The following PAPSS1 variants were observed in gnomAD, a reference collection of about 807,000 sequenced individuals.
PAPSS1 encodes the protein bifunctional 3'-phosphoadenosine 5'-phosphosulfate synthase 1.
Under a neutral mutation model 72.0 loss-of-function variants are expected in PAPSS1, and 50 were observed. The ratio of observed to expected loss-of-function variants is 0.69; its 90% CI spans 0.55 to 0.88. The LOEUF is 0.88. Ranked by LOEUF, PAPSS1 falls within the 40% of genes least tolerant of loss-of-function variation. The probability of loss-of-function intolerance (pLI) is 0.00; values close to 1 mark genes in which losing one functional copy is unlikely to be tolerated. For synonymous variants in PAPSS1, 261 were observed against 263.6 expected (o/e 0.99, Z 0.09); for missense variants, 657 against 782.2 (o/e 0.84, Z 1.91).
intron 5 of PAPSS1, among the ~76,000 whole-genome samples, chr4:107,672,934 G>C (rs1005037077): frequency 6.6e-6 from 1 of 152,204 alleles, no homozygotes; most frequent in Non-Finnish European, 1.5e-5. Flanking sequence ...CTCCGCTGCT[G>C]ATACCCAGGC....
At chr4:107,677,787 A>T (rs1416641787) in intron 5 of PAPSS1, among the ~76,000 whole-genome samples, 1 of 152,226 alleles carries the variant, frequency 6.6e-6, no homozygotes, top group African/African-American at 2.4e-5. Flanking sequence ...GAACCAACCC[A>T]AATGTCCAAC....
chr4:107,701,992 A>T (rs1723216210), intron 1 of PAPSS1, among the ~76,000 whole-genome samples: 1 of 143,374 alleles, frequency 7.0e-6, no homozygotes, highest in African/African-American at 2.5e-5. Flanking sequence ...AAAAAAAAAA[A>T]GCATAAAATT....
intron 11 of PAPSS1, among the ~76,000 whole-genome samples, chr4:107,617,003 C>T (rs528746255): frequency 3.9e-5 from 6 of 152,066 alleles, no homozygotes; most frequent in Non-Finnish European, 7.4e-5. Flanking sequence ...AGCTTTCCAC[C>T]ATCTTCCTTA....
rs1357895717 is a variant in PAPSS1, at chr4:107,645,046, C to T, written c.1262G>A (p.Arg421His). The change falls in exon 10 of 12, where the codon CGC becomes CAC. Residue 421 changes from arginine to histidine, a missense_variant. Transcript: ENST00000265174. Reference protein sequence around the residue: ...NADAVFAFQLRNPVHNGHALL... With the variant: ...NADAVFAFQLHNPVHNGHALL... ...GGCATGTCCATTGTGCACTGGGTTG[C>T]GTAGTTGAAATGCAAAGACAGCATC... is the stretch of plus-strand genomic sequence containing the variant. 17 of 1,547,210 alleles carry T rather than the reference C, an allele frequency of 1.1e-5. No homozygotes were observed. Among genetic ancestry groups the T allele is most frequent in the East Asian group, 7.0e-5 (3 of 42,954 alleles).
Position 107,692,778 on chromosome 4 carries a change from G to GTGTATATA in PAPSS1, c.411+992_411+993insTATATACA, listed in dbSNP as rs531707529. ...AGACTGGATAAAGAAAACACGGTGTGTATATATATATATATATATCATGGA... is the reference window on the plus strand; with the variant it reads ...AGACTGGATAAAGAAAACACGGTGTGTGTATATATATATATATATATATATATCATGGA... On this transcript the variant is annotated intron_variant, in intron 3 of 11. Transcript: ENST00000265174. Among the ~76,000 whole-genome samples, 57 of 147,078 alleles carry GTGTATATA rather than the reference G, an allele frequency of 3.9e-4. 1 individual carries two copies. The highest frequency in any genetic ancestry group is 1.3e-3 in the African/African-American group (54 of 40,154).
intron 1 of PAPSS1, among the ~76,000 whole-genome samples, chr4:107,716,100 C>A (rs1723633195): frequency 6.6e-6 from 1 of 152,206 alleles, no homozygotes; most frequent in Non-Finnish European, 1.5e-5. Flanking sequence ...TTTGCATCTG[C>A]CCCTTATCCC....
chr4:107,642,695 G>A (rs115965219), intron 10 of PAPSS1, among the ~76,000 whole-genome samples: 1 of 152,120 alleles, frequency 6.6e-6, no homozygotes, highest in South Asian at 2.1e-4. Flanking sequence ...CAGTGAAACT[G>A]GTTCAATGAG....
In PAPSS1 at chr4:107,687,065, T is replaced by C. The variant is rs148865247; in HGVS notation, c.524A>G (p.Lys175Arg). 2.3e-5 allele frequency: 36 copies of C among 1,596,956 alleles called. No homozygotes were observed. The East Asian group carries it at 5.2e-4, about 23-fold the overall frequency. Reference sequence around the variant, plus strand: ...TTTAATTTCTCCTGCCCGGGCTTTTTTGTAGAGTCCTTTGACATCCCTCTG... The same window carrying C: ...TTTAATTTCTCCTGCCCGGGCTTTTCTGTAGAGTCCTTTGACATCCCTCTG... Reference protein sequence around the residue: ...CEQRDVKGLYKKARAGEIKGF... With the variant: ...CEQRDVKGLYRKARAGEIKGF... Residue 175 changes from lysine to arginine, a missense_variant, in exon 4 of 12, where the codon AAA (lysine) becomes AGA (arginine). Transcript: ENST00000265174.
Position 107,695,208 on chromosome 4 carries a change from G to A in PAPSS1, c.176-1202C>T, listed in dbSNP as rs149092870. Among the ~76,000 whole-genome samples the A allele has an allele frequency of 5.4e-3, 823 of 152,116 alleles. 11 individuals carry two copies. Among genetic ancestry groups the A allele is most frequent in the African/African-American group, 0.018 (761 of 41,472 alleles). On this transcript the variant is annotated intron_variant, in intron 2 of 11. Coordinates refer to ENST00000265174, the MANE Select transcript of PAPSS1 (RefSeq NM_005443.5). Reference sequence around the variant, plus strand: ...AGTTCTCCTTGAAGAGGTCCTTCACGTCCCTTGCAAGTTGTATTCCCAGGT... The same window carrying A: ...AGTTCTCCTTGAAGAGGTCCTTCACATCCCTTGCAAGTTGTATTCCCAGGT...
At chr4:107,694,129 G>C (rs1199641522) in intron 2 of PAPSS1, 123 bp from the exon 3 acceptor site, 2 of 667,306 alleles carry the variant, frequency 3.0e-6, no homozygotes, top group Non-Finnish European at 5.1e-6. Flanking sequence ...TGCAGAGGCT[G>C]CATAGCTCAC....
At chr4:107,618,605 A>G (rs1473133360) in intron 11 of PAPSS1, among the ~76,000 whole-genome samples, 3 of 152,028 alleles carry the variant, frequency 2.0e-5, no homozygotes, top group Admixed American at 1.3e-4. Flanking sequence ...GAGTGGAGAG[A>G]GACAGAAATG....
intron 1 of PAPSS1, 107 bp downstream of exon 1, chr4:107,720,013 C>T (rs2074372): frequency 6.5e-7 from 1 of 1,540,284 alleles, no homozygotes; most frequent in Non-Finnish European, 8.7e-7. Flanking sequence ...CCTCCGCGCT[C>T]CTGGAAGGAT....
intron 5 of PAPSS1, among the ~76,000 whole-genome samples, chr4:107,670,361 G>T (rs532075204): frequency 1.6e-4 from 25 of 152,216 alleles, no homozygotes; most frequent in Middle Eastern, 3.4e-3. Flanking sequence ...TAGGAGGAAG[G>T]CATTAACTAA....
At chr4:107,699,875 C>T (rs1175510653) in intron 2 of PAPSS1, among the ~76,000 whole-genome samples, 2 of 152,074 alleles carry the variant, frequency 1.3e-5, no homozygotes. Context: ...GAGTTCAGAA[C>T]CTAATGGAAG....
At chr4:107,625,143 G>A (rs1005129287) in intron 11 of PAPSS1, among the ~76,000 whole-genome samples, 1 of 152,202 alleles carries the variant, frequency 6.6e-6, no homozygotes, top group Non-Finnish European at 1.5e-5. Context: ...AATTTAGAAA[G>A]AAATCAAAGA....
intron 1 of PAPSS1, among the ~76,000 whole-genome samples, chr4:107,717,849 T>C (rs1723677864): frequency 6.6e-6 from 1 of 152,154 alleles, no homozygotes; most frequent in Non-Finnish European, 1.5e-5. Context: ...CTAAATCTAG[T>C]CGGTCCTCTC....
chr4:107,693,697 A>T, intron 3 of PAPSS1, 74 bp downstream of exon 3: 3 of 1,024,274 alleles, frequency 2.9e-6, no homozygotes, highest in Non-Finnish European at 3.0e-6. Flanking sequence ...ATCAATGTTT[A>T]AAGTATGTGC....
intron 2 of PAPSS1, among the ~76,000 whole-genome samples, chr4:107,694,963 T>C (rs13144400): frequency 0.52 from 78,969 of 150,850 alleles, 21,530 homozygotes; most frequent in South Asian, 0.65. Flanking sequence ...AAAAAAAAAA[T>C]AGAAGAGAGG....
intron 10 of PAPSS1, among the ~76,000 whole-genome samples, chr4:107,644,310 G>A (rs1411936779): frequency 6.6e-6 from 1 of 152,186 alleles, no homozygotes; most frequent in Admixed American, 6.5e-5. Context: ...TAGGTCAAAA[G>A]ACTCTCATTC....
Sources: gnomAD v4.1 joint callset for allele counts (sites outside exome capture counted in the v4.1 genomes callset) on GRCh38, gnomAD v4.1.1 for gene constraint, MANE v1.5 for transcripts, NCBI Gene and HGNC (gene_info 2026-07-23, HGNC 2026-07-21) for gene names.